Variants in NT5DC3 observed in about 807,000 individuals in gnomAD.
The protein encoded by NT5DC3 is 5'-nucleotidase domain-containing protein 3.
In NT5DC3, 42 loss-of-function variants were observed where a neutral mutation model predicts 67.8. That is an observed-to-expected ratio of 0.62 (90% CI 0.48 to 0.80). NT5DC3 has a LOEUF of 0.80. Among genes scored for constraint, NT5DC3 ranks in the 30% least tolerant of loss-of-function variants. NT5DC3 has a pLI of 0.00. For missense variants in NT5DC3, 570 were observed against 696.4 expected, an observed-to-expected ratio of 0.82 and a Z score of 2.04; for synonymous variants, 237 against 255.6, an observed-to-expected ratio of 0.93 and a Z score of 0.69.
At chr12:103,779,679 T>C (rs534923474) in intron 13 of NT5DC3, among the ~76,000 whole-genome samples, 6 of 152,272 alleles carry the variant, frequency 3.9e-5, no homozygotes, top group African/African-American at 9.6e-5. Flanking sequence ...GAGACGGCTA[T>C]ACCCAGCGGC....
chr12:103,805,100 C>A (rs1886743609), intron 4 of NT5DC3, among the ~76,000 whole-genome samples: 1 of 150,844 alleles, frequency 6.6e-6, no homozygotes, highest in Non-Finnish European at 1.5e-5. Flanking sequence ...CCTTCTGAGT[C>A]ATAATGTAAA....
At chr12:103,766,626 T>G (rs1884984573), downstream of NT5DC3, 1 of 369,356 alleles carries the variant, frequency 2.7e-6, no homozygotes, top group Non-Finnish European at 5.0e-6. Flanking sequence ...TTCTTCCCTG[T>G]TAGATTGTAA....
rs202108237 is a variant in NT5DC3 at position 103,828,701 on chromosome 12, TA to T, written c.208+12247del. On this transcript the variant is annotated intron_variant, in intron 1 of 13. Transcript: ENST00000392876. ...CTCTCCTGCATTTTTTCTTTCTTTTTATTTTTTTTTTTTGGAGACGGAGTCT... is the reference window on the plus strand; with the variant it reads ...CTCTCCTGCATTTTTTCTTTCTTTTTTTTTTTTTTTTTGGAGACGGAGTCT... Among the ~76,000 whole-genome samples, 259 of 134,976 alleles carry T rather than the reference TA, an allele frequency of 1.9e-3. 27 individuals carry two copies. In the South Asian group the frequency reaches 0.02, roughly 11 times the overall value. 88.5% of individuals were successfully genotyped at this position (134,976 alleles called of 152,430 possible).
chr12:103,752,409 G>A, the NT5DC3 span, among the ~76,000 whole-genome samples: 1 of 152,106 alleles, frequency 6.6e-6, no homozygotes, highest in African/African-American at 2.4e-5. Flanking sequence ...GTCTTCTTTG[G>A]TGTAGAAAGT....
At chr12:103,779,031 A>G (rs1260924236) in intron 13 of NT5DC3, among the ~76,000 whole-genome samples, 1 of 152,218 alleles carries the variant, frequency 6.6e-6, no homozygotes, top group Non-Finnish European at 1.5e-5. Flanking sequence ...CCTTACCGAA[A>G]GGATCAAGAC....
At chr12:103,798,728 A>G (rs10082821) in intron 4 of NT5DC3, 51 bp from the exon 5 acceptor site, 205,580 of 1,296,994 alleles carry the variant, frequency 0.16, 17,150 homozygotes, top group Middle Eastern at 0.26. Flanking sequence ...GAAACCAATG[A>G]TTTTCACACC....
At chr12:103,749,070 G>A in the NT5DC3 span, 66 of 1,613,980 alleles carry the variant, frequency 4.1e-5, no homozygotes, top group African/African-American at 2.4e-4. Context: ...CAAAGGGGAC[G>A]GGCACAGCTG....
rs1367294807 is a variant in NT5DC3, at chr12:103,796,996, G to A, written c.651C>T (p.Asp217=). 6.2e-7 allele frequency: 1 copy of A among 1,614,136 alleles called. No homozygotes were observed. The highest frequency in any genetic ancestry group is 1.6e-4 in the Middle Eastern group (1 of 6,062). ...SHGNTMKQFM[D]IFSLPEMTLL... ...GGGTCATCTCGGGCAGGGAGAAGAT[G>A]TCCATGAACTGCTTCATCGTGTTTC... Residue 217 remains aspartate (D), a synonymous_variant, in exon 6 of 14, where the codon GAC becomes GAT. Coordinates refer to ENST00000392876, the MANE Select transcript of NT5DC3 (RefSeq NM_001031701.3).
chr12:103,778,422 A>G (rs1283889430), intron 13 of NT5DC3, among the ~76,000 whole-genome samples: 4 of 152,096 alleles, frequency 2.6e-5, no homozygotes, highest in Admixed American at 1.3e-4. Flanking sequence ...TCCCAGCTAC[A>G]CAGGAGGCTG....
chr12:103,755,430 G>A, the NT5DC3 span: 3 of 1,614,146 alleles, frequency 1.9e-6, no homozygotes, highest in East Asian at 4.5e-5. Flanking sequence ...GACCCAACAA[G>A]AGTGAAATGT....
At chr12:103,758,160 T>G in the NT5DC3 span, 1 of 1,613,982 alleles carries the variant, frequency 6.2e-7, no homozygotes, top group Non-Finnish European at 8.5e-7. Flanking sequence ...GACTTCCTTC[T>G]TCTCCCCAGG....
the NT5DC3 span, among the ~76,000 whole-genome samples, chr12:103,751,936 T>C: frequency 6.6e-6 from 1 of 152,072 alleles, no homozygotes; most frequent in African/African-American, 2.4e-5. Context: ...GCTTTCCCTA[T>C]AGGCACAGTT....
At chr12:103,807,260 G>A (rs944158174) in intron 2 of NT5DC3, among the ~76,000 whole-genome samples, 4 of 152,026 alleles carry the variant, frequency 2.6e-5, no homozygotes, top group Non-Finnish European at 2.9e-5. Flanking sequence ...TAAGACCCCA[G>A]GAACACATCG....
chr12:103,809,736 C>T (rs1221056673), intron 2 of NT5DC3, among the ~76,000 whole-genome samples: 2 of 152,160 alleles, frequency 1.3e-5, no homozygotes, highest in African/African-American at 2.4e-5. Context: ...TCCCATGACA[C>T]GTGGGGATTA....
At chr12:103,829,323 T>C (rs577240751) in intron 1 of NT5DC3, among the ~76,000 whole-genome samples, 2 of 152,340 alleles carry the variant, frequency 1.3e-5, no homozygotes, top group South Asian at 4.1e-4. Context: ...TATGTTCCAA[T>C]AAAACTTAAC....
chr12:103,749,969 A>G, the NT5DC3 span, among the ~76,000 whole-genome samples: 1 of 151,016 alleles, frequency 6.6e-6, no homozygotes, highest in East Asian at 1.9e-4. Flanking sequence ...TTGCTTTTGC[A>G]TCTTACCTCC....
At chr12:103,804,695 T>C (rs1190657693) in intron 4 of NT5DC3, among the ~76,000 whole-genome samples, 1 of 152,168 alleles carries the variant, frequency 6.6e-6, no homozygotes, top group Non-Finnish European at 1.5e-5. Flanking sequence ...AGATTATTGT[T>C]AAAATCTAAG....
chr12:103,789,125 A>G (rs1007174590), intron 9 of NT5DC3: 2 of 523,484 alleles, frequency 3.8e-6, no homozygotes, highest in South Asian at 2.9e-5. Context: ...GTTCCACGAA[A>G]AAAAAGAATT....
intron 4 of NT5DC3, among the ~76,000 whole-genome samples, chr12:103,803,868 C>G (rs966607714): frequency 6.8e-6 from 1 of 148,030 alleles, no homozygotes; most frequent in Non-Finnish European, 1.5e-5. Flanking sequence ...CACCCCCCCC[C>G]CAAAAAAATG....
Sources: gnomAD v4.1 joint callset for allele counts (sites outside exome capture counted in the v4.1 genomes callset) on GRCh38, gnomAD v4.1.1 for gene constraint, MANE v1.5 for transcripts, NCBI Gene and HGNC (gene_info 2026-07-23, HGNC 2026-07-21) for gene names.